The following RCAN2 variants were observed in gnomAD, a reference collection of about 807,000 sequenced individuals.
RCAN2 encodes calcipressin-2.
RCAN2 carries 9 observed loss-of-function variants against 23.6 expected under a neutral mutation model. The observed-to-expected ratio is 0.38, with a 90% CI of 0.23 to 0.67. The LOEUF (loss-of-function observed/expected upper bound fraction) is 0.67, where lower values mean the gene tolerates loss of function less well. Ranked by LOEUF, RCAN2 falls within the 30% of genes least tolerant of loss-of-function variation. The pLI, the probability that RCAN2 is intolerant of heterozygous loss-of-function variation, is 0.51. For missense variants in RCAN2, 273 were observed against 302.3 expected (o/e 0.90, Z 0.72); for synonymous variants, 109 against 115.7 (o/e 0.94, Z 0.37).
chr6:46,409,094 A>C (rs1186998701), intron 2 of RCAN2, among the ~76,000 whole-genome samples: 3 of 152,236 alleles, frequency 2.0e-5, no homozygotes, highest in Non-Finnish European at 2.9e-5. Context: ...TTGAAGGAAA[A>C]TGTTGTTTTT....
intron 2 of RCAN2, among the ~76,000 whole-genome samples, chr6:46,322,649 A>T (rs922873406): frequency 6.6e-6 from 1 of 152,252 alleles, no homozygotes; most frequent in Admixed American, 6.5e-5. Context: ...TACATGTAGA[A>T]AGTGGGGATG....
chr6:46,455,954 G>A (rs1768014223), intron 2 of RCAN2, among the ~76,000 whole-genome samples: 1 of 151,524 alleles, frequency 6.6e-6, no homozygotes, highest in Non-Finnish European at 1.5e-5. Flanking sequence ...GTATAATAGT[G>A]GCTTTTACAA....
At chr6:46,438,052 C>A (rs1394676460) in intron 2 of RCAN2, among the ~76,000 whole-genome samples, 2 of 152,148 alleles carry the variant, frequency 1.3e-5, no homozygotes, top group African/African-American at 4.8e-5. Context: ...GGAGAAGCAG[C>A]CCTGGCCAGA....
At chr6:46,394,876 G>C (rs1457569200) in intron 2 of RCAN2, among the ~76,000 whole-genome samples, 4 of 152,206 alleles carry the variant, frequency 2.6e-5, no homozygotes, top group African/African-American at 9.6e-5. Flanking sequence ...AGTGGACATA[G>C]TGAGATAGGA....
In RCAN2 at chr6:46,450,995, G is replaced by A. The variant is rs574578454; in HGVS notation, c.225+5757C>T. On this transcript the variant is annotated intron_variant, in intron 2 of 4. Coordinates refer to ENST00000371374, the MANE Select transcript of RCAN2 (RefSeq NM_001251974.2). ...TAGCTCAAATTAGTCATTACATAAT[G>A]CGTACATATTTCAATACATCATATT... Among the ~76,000 whole-genome samples the A allele has an allele frequency of 7.9e-5, 12 of 152,084 alleles. No individual in the cohort carries two copies. In the South Asian group the frequency reaches 2.5e-3, roughly 32 times the overall value.
intron 2 of RCAN2, among the ~76,000 whole-genome samples, chr6:46,267,045 T>C (rs1767356477): frequency 1.3e-5 from 2 of 152,314 alleles, no homozygotes; most frequent in South Asian, 4.1e-4. Context: ...AGGTCTAGGA[T>C]AAGTTTTTTC....
intron 1 of RCAN2, among the ~76,000 whole-genome samples, chr6:46,463,471 G>A (rs1302308148): frequency 6.6e-6 from 1 of 152,154 alleles, no homozygotes; most frequent in Non-Finnish European, 1.5e-5. Context: ...AAGTTTCATT[G>A]AGCAGGTGCC....
chr6:46,226,415 G>A (rs2150303782), intron 4 of RCAN2, among the ~76,000 whole-genome samples: 1 of 152,300 alleles, frequency 6.6e-6, no homozygotes, highest in African/African-American at 2.4e-5. Flanking sequence ...TCCTATCCAT[G>A]AGCATGGAAT....
intron 4 of RCAN2, among the ~76,000 whole-genome samples, chr6:46,238,924 C>G (rs1766201894): frequency 1.3e-5 from 2 of 152,148 alleles, no homozygotes; most frequent in African/African-American, 4.8e-5. Flanking sequence ...ATACACTGAG[C>G]CTTTCCTATG....
chr6:46,252,691 G>A (rs1766774478), intron 2 of RCAN2, among the ~76,000 whole-genome samples: 1 of 152,092 alleles, frequency 6.6e-6, no homozygotes, highest in African/African-American at 2.4e-5. Context: ...AAAGTTTAAT[G>A]AGAAGATTGA....
intron 2 of RCAN2, among the ~76,000 whole-genome samples, chr6:46,347,338 G>A (rs1561869044): frequency 1.3e-5 from 2 of 152,234 alleles, no homozygotes; most frequent in East Asian, 1.9e-4. Flanking sequence ...TGTACATCAG[G>A]TCATGCATCA....
intron 2 of RCAN2, among the ~76,000 whole-genome samples, chr6:46,410,242 G>C (rs746176041): frequency 4.6e-5 from 7 of 152,122 alleles, no homozygotes; most frequent in African/African-American, 9.7e-5. Context: ...TAGCATCCCA[G>C]GTTCTCCAAT....
chr6:46,453,915 G>C (rs1442805356), intron 2 of RCAN2, among the ~76,000 whole-genome samples: 1 of 152,102 alleles, frequency 6.6e-6, no homozygotes. Context: ...TGAAACCACC[G>C]ACCCTCGTAA....
intron 2 of RCAN2, among the ~76,000 whole-genome samples, chr6:46,252,206 TGTAC>T (rs1226054794): frequency 4.6e-5 from 7 of 152,166 alleles, no homozygotes; most frequent in Admixed American, 4.6e-4. Context: ...AGCCACCAGA[TGTAC>T]ACTGAGGCAA....
intron 1 of RCAN2, among the ~76,000 whole-genome samples, chr6:46,479,774 G>A (rs59370188): frequency 1.3e-5 from 2 of 151,702 alleles, no homozygotes; most frequent in Non-Finnish European, 2.9e-5. Flanking sequence ...GTAACGATGG[G>A]GTTTCACCAT....
intron 2 of RCAN2, among the ~76,000 whole-genome samples, chr6:46,351,134 A>G (rs1299162645): frequency 6.6e-6 from 1 of 152,246 alleles, no homozygotes; most frequent in African/African-American, 2.4e-5. Context: ...TGCAGAGGTC[A>G]AATAACTTTC....
chr6:46,432,635 C>A (rs946722746), intron 2 of RCAN2, among the ~76,000 whole-genome samples: 8 of 152,156 alleles, frequency 5.3e-5, no homozygotes, highest in Non-Finnish European at 1.0e-4. Context: ...CAGTTACCAG[C>A]AGACTTGGCC....
At chr6:46,450,340 T>C (rs1767839767) in intron 2 of RCAN2, among the ~76,000 whole-genome samples, 1 of 152,072 alleles carries the variant, frequency 6.6e-6, no homozygotes, top group East Asian at 1.9e-4. Context: ...TACACATTGT[T>C]AGTGGGAATG....
At chr6:46,337,897 T>G (rs1012491702) in intron 2 of RCAN2, among the ~76,000 whole-genome samples, 3 of 152,180 alleles carry the variant, frequency 2.0e-5, no homozygotes, top group Non-Finnish European at 4.4e-5. Context: ...CTAGGGAATG[T>G]GCTGATTTAA....
Sources: gnomAD v4.1 joint callset for allele counts (sites outside exome capture counted in the v4.1 genomes callset) on GRCh38, gnomAD v4.1.1 for gene constraint, MANE v1.5 for transcripts, NCBI Gene and HGNC (gene_info 2026-07-23, HGNC 2026-07-21) for gene names.